Variants in CRIM1 observed in about 807,000 individuals in gnomAD.
The protein encoded by CRIM1 is cysteine-rich motor neuron 1 protein.
In CRIM1, 32 loss-of-function variants were observed where a neutral mutation model predicts 116.4. The observed-to-expected ratio is 0.27, with a 90% CI of 0.21 to 0.37. The LOEUF (loss-of-function observed/expected upper bound fraction) is 0.37, where lower values mean the gene tolerates loss of function less well. Ranked by LOEUF, CRIM1 falls within the 10% of genes least tolerant of loss-of-function variation. The probability of loss-of-function intolerance (pLI) is 1.00; values close to 1 mark genes in which losing one functional copy is unlikely to be tolerated. For missense variants in CRIM1, 1,331 were observed against 1,354.8 expected (o/e 0.98, Z 0.28); for synonymous variants, 590 against 509.2 (o/e 1.16, Z -2.13).
At chr2:36,406,338 G>A (rs1028158084) in intron 2 of CRIM1, among the ~76,000 whole-genome samples, 1 of 152,090 alleles carries the variant, frequency 6.6e-6, no homozygotes, top group Non-Finnish European at 1.5e-5. Flanking sequence ...AGGATTTTGG[G>A]GAAAGCTCTT....
intron 13 of CRIM1, among the ~76,000 whole-genome samples, chr2:36,526,243 G>C (rs574355327): frequency 2.4e-4 from 37 of 152,142 alleles, no homozygotes; most frequent in African/African-American, 8.9e-4. Flanking sequence ...ATTTTCATAA[G>C]CTGACTATAA....
At chr2:36,441,219 T>C (rs779997546) in intron 2 of CRIM1, 39 bp from the exon 3 acceptor site, 31 of 1,611,560 alleles carry the variant, frequency 1.9e-5, no homozygotes, top group Non-Finnish European at 2.5e-5. Context: ...TGCCCCACAC[T>C]GCCCTGGGCA....
chr2:36,390,919 C>T (rs1024823007), intron 1 of CRIM1, among the ~76,000 whole-genome samples: 1 of 151,896 alleles, frequency 6.6e-6, no homozygotes, highest in African/African-American at 2.4e-5. Flanking sequence ...AAGCAATTCT[C>T]ATGCCTCAGC....
intron 7 of CRIM1, among the ~76,000 whole-genome samples, chr2:36,493,968 C>G (rs1391583337): frequency 2.0e-5 from 3 of 152,038 alleles, no homozygotes; most frequent in Admixed American, 2.0e-4. Flanking sequence ...AACTTTATAC[C>G]AGCATCTTAA....
intron 1 of CRIM1, among the ~76,000 whole-genome samples, chr2:36,374,480 C>T (rs147463955): frequency 6.6e-6 from 1 of 152,302 alleles, no homozygotes; most frequent in East Asian, 1.9e-4. Flanking sequence ...CCTAGTCTTA[C>T]TCTGTAGACA....
chr2:36,546,865 G>A (rs1667379385), intron 15 of CRIM1, 119 bp from the exon 16 acceptor site: 1 of 535,576 alleles, frequency 1.9e-6, no homozygotes, highest in South Asian at 2.3e-5. Flanking sequence ...CACATTTTTA[G>A]CCTCAAAAAA....
chr2:36,522,221 A>G lies in CRIM1; in HGVS notation c.2336A>G (p.Asp779Gly). The change falls in exon 13 of 17, where the codon GAT (aspartate) becomes GGT (glycine). Residue 779 changes from aspartate to glycine, a missense_variant. Asp to Gly is a moderately conservative substitution (Grantham distance 94, BLOSUM62 -1). This residue lies in a region of CRIM1 where 358 missense variants were observed against 436.1 expected (regional missense o/e 0.82). Coordinates refer to ENST00000280527, the MANE Select transcript of CRIM1 (RefSeq NM_016441.3). ...PDVCTSCICI[D>G]SVISCFSESC... ...GTTTGTACCAGCTGCATCTGCATTGATAGCGTAATTAGCTGTTTCTCTGAG... is the reference window on the plus strand; with the variant it reads ...GTTTGTACCAGCTGCATCTGCATTGGTAGCGTAATTAGCTGTTTCTCTGAG... The G allele has an allele frequency of 3.7e-6, 6 of 1,614,162 alleles. No individual in the cohort carries two copies. The highest frequency in any genetic ancestry group is 5.1e-6 in the Non-Finnish European group (6 of 1,180,026).
At chr2:36,483,071 T>C (rs575005098) in intron 7 of CRIM1, among the ~76,000 whole-genome samples, 32 of 152,298 alleles carry the variant, frequency 2.1e-4, no homozygotes, top group Non-Finnish European at 4.0e-4. Flanking sequence ...TAGCAAGTTA[T>C]TGTCAACACC....
chr2:36,428,195 A>C (rs1674605405), intron 2 of CRIM1, among the ~76,000 whole-genome samples: 1 of 152,368 alleles, frequency 6.6e-6, no homozygotes, highest in East Asian at 1.9e-4. Flanking sequence ...GAAGCAGTGC[A>C]GGACTTCCCA....
chr2:36,427,430 A>T (rs1362804721), intron 2 of CRIM1, among the ~76,000 whole-genome samples: 1 of 152,160 alleles, frequency 6.6e-6, no homozygotes, highest in East Asian at 1.9e-4. Flanking sequence ...AAGAGCAGAG[A>T]AGCACTGTTT....
rs546571628 is a variant in CRIM1 at position 36,518,499 on chromosome 2, A to C, written c.2206+957A>C. On this transcript the variant is annotated intron_variant, in intron 12 of 16. Transcript: ENST00000280527. Reference sequence around the variant, plus strand: ...TTATGTGCAGCATCATCAGTGTCTAAATTTTTTATAAGTTTATGTTGATGG... The same window carrying C: ...TTATGTGCAGCATCATCAGTGTCTACATTTTTTATAAGTTTATGTTGATGG... Among the ~76,000 whole-genome samples the C allele has an allele frequency of 3.3e-4, 50 of 152,220 alleles. 1 individual carries two copies. The highest frequency in any genetic ancestry group is 1.1e-3 in the African/African-American group (47 of 41,512).
At chr2:36,480,792 T>A (rs1163968328) in intron 7 of CRIM1, among the ~76,000 whole-genome samples, 2 of 152,110 alleles carry the variant, frequency 1.3e-5, no homozygotes, top group Non-Finnish European at 2.9e-5. Context: ...GCTGCCACAC[T>A]CCAGAACTTT....
chr2:36,543,589 T>C (rs1558421839), intron 14 of CRIM1, among the ~76,000 whole-genome samples: 1 of 152,152 alleles, frequency 6.6e-6, no homozygotes, highest in Non-Finnish European at 1.5e-5. Flanking sequence ...TGAAAACAGG[T>C]TCTGAAGAAT....
intron 2 of CRIM1, among the ~76,000 whole-genome samples, chr2:36,421,137 C>T (rs1442480438): frequency 1.3e-5 from 2 of 152,204 alleles, no homozygotes; most frequent in African/African-American, 2.4e-5. Context: ...AGAAATTTAA[C>T]ATGAGTGCTT....
chr2:36,513,422 A>G, intron 10 of CRIM1, 134 bp from the exon 11 acceptor site: 1 of 677,062 alleles, frequency 1.5e-6, no homozygotes, highest in South Asian at 1.8e-5. Context: ...TTTCATGAAC[A>G]TGTCCCATGT....
At chr2:36,477,635 A>G (rs1679087058) in intron 6 of CRIM1, among the ~76,000 whole-genome samples, 1 of 152,230 alleles carries the variant, frequency 6.6e-6, no homozygotes, top group South Asian at 2.1e-4. Flanking sequence ...CTCAAGGCCC[A>G]GCCAGGTGTC....
chr2:36,403,272 TCTC>T lies in CRIM1; in HGVS notation c.505+6489_505+6491del, dbSNP rs568447032. Among the ~76,000 whole-genome samples the T allele has an allele frequency of 1.8e-3, 268 of 152,318 alleles. 1 individual carries two copies. Among genetic ancestry groups the T allele is most frequent in the African/African-American group, 6.1e-3 (252 of 41,572 alleles). ...GAAGACACTTAGGGCTTTAGATAATTCTCCTCTGTTTTAGCTGAAAACGTTTGG... is the reference window on the plus strand; with the variant it reads ...GAAGACACTTAGGGCTTTAGATAATTCTCTGTTTTAGCTGAAAACGTTTGG... On this transcript the variant is annotated intron_variant, in intron 2 of 16. Coordinates refer to ENST00000280527, the MANE Select transcript of CRIM1 (RefSeq NM_016441.3).
At chr2:36,548,264 A>G (rs1303333683) in intron 16 of CRIM1, among the ~76,000 whole-genome samples, 1 of 129,630 alleles carries the variant, frequency 7.7e-6, no homozygotes, top group African/African-American at 2.9e-5. Flanking sequence ...TCATTTCACC[A>G]GTCTTTTTTT....
intron 8 of CRIM1, among the ~76,000 whole-genome samples, chr2:36,500,840 A>C (rs1028957810): frequency 9.9e-5 from 15 of 152,208 alleles, no homozygotes; most frequent in African/African-American, 3.6e-4. Context: ...CTTGAAAGAC[A>C]CTTCGCCCGT....
Sources: gnomAD v4.1 joint callset for allele counts (sites outside exome capture counted in the v4.1 genomes callset) on GRCh38, gnomAD v4.1.1 for gene constraint, gnomAD v4.1.1 regional missense constraint, MANE v1.5 for transcripts, NCBI Gene and HGNC (gene_info 2026-07-23, HGNC 2026-07-21) for gene names.